Variants in GRIN2A observed in about 807,000 individuals in gnomAD.
The protein encoded by GRIN2A is glutamate receptor ionotropic, NMDA 2A.
GRIN2A carries 22 observed loss-of-function variants against 113.4 expected under a neutral mutation model. The ratio of observed to expected loss-of-function variants is 0.19; its 90% confidence interval spans 0.14 to 0.28. The LOEUF (loss-of-function observed/expected upper bound fraction) is 0.28, where lower values mean the gene tolerates loss of function less well. GRIN2A is among the 10% of genes least tolerant of loss of function. GRIN2A has a pLI of 1.00. For missense variants in GRIN2A, 1,502 were observed against 1,887.0 expected (o/e 0.80, Z 3.78); for synonymous variants, 827 against 738.4 (o/e 1.12, Z -1.94).
intron 2 of GRIN2A, among the ~76,000 whole-genome samples, chr16:10,130,254 G>A (rs1386116066): frequency 6.6e-6 from 1 of 152,206 alleles, no homozygotes; most frequent in Non-Finnish European, 1.5e-5. Flanking sequence ...TGAATTTCCA[G>A]GCCAGGTTCA....
At chr16:9,985,423 C>A (rs1329182744) in intron 2 of GRIN2A, among the ~76,000 whole-genome samples, 2 of 151,976 alleles carry the variant, frequency 1.3e-5, no homozygotes, top group East Asian at 1.9e-4. Flanking sequence ...CTCACAATAG[C>A]CAAGATTTGG....
At chr16:9,909,586 T>C (rs954565075) in intron 3 of GRIN2A, among the ~76,000 whole-genome samples, 1 of 152,220 alleles carries the variant, frequency 6.6e-6, no homozygotes, top group Non-Finnish European at 1.5e-5. Context: ...TCATATCAGA[T>C]AGCTTAAGTA....
intron 2 of GRIN2A, among the ~76,000 whole-genome samples, chr16:10,018,398 C>G (rs2046649562): frequency 6.6e-6 from 1 of 152,138 alleles, no homozygotes. Flanking sequence ...CTGGAGGCAG[C>G]AATACCACTG....
chr16:9,949,787 G>A (rs1221665573), intron 2 of GRIN2A, among the ~76,000 whole-genome samples: 2 of 152,140 alleles, frequency 1.3e-5, no homozygotes, highest in Non-Finnish European at 2.9e-5. Context: ...ACAGATGGAC[G>A]GATGGGTGGA....
intron 12 of GRIN2A, among the ~76,000 whole-genome samples, chr16:9,765,321 T>C (rs1900847540): frequency 6.6e-6 from 1 of 152,186 alleles, no homozygotes; most frequent in African/African-American, 2.4e-5. Flanking sequence ...TCATTAAAGT[T>C]TCCCAGCATC....
chr16:10,054,835 C>T (rs2047418074), intron 2 of GRIN2A, among the ~76,000 whole-genome samples: 1 of 151,514 alleles, frequency 6.6e-6, no homozygotes, highest in Non-Finnish European at 1.5e-5. Context: ...ATCATGAGGT[C>T]AGGAGATCAA....
chr16:10,161,953 C>T (rs1596566474), intron 2 of GRIN2A, among the ~76,000 whole-genome samples: 1 of 152,308 alleles, frequency 6.6e-6, no homozygotes, highest in African/African-American at 2.4e-5. Context: ...TAATCCAGAA[C>T]AGTCTCTCCA....
chr16:10,141,474 C>A (rs1000506425), intron 2 of GRIN2A, among the ~76,000 whole-genome samples: 1 of 151,994 alleles, frequency 6.6e-6, no homozygotes, highest in Non-Finnish European at 1.5e-5. Flanking sequence ...GGCAACAGAG[C>A]GAGACTCCAT....
intron 4 of GRIN2A, among the ~76,000 whole-genome samples, chr16:9,877,018 A>T (rs2267795): frequency 0.36 from 54,662 of 152,040 alleles, 11,458 homozygotes; most frequent in African/African-American, 0.59. Context: ...AATCTCCACA[A>T]CCTATATGAA....
chr16:10,063,027 T>C (rs376715159), intron 2 of GRIN2A, among the ~76,000 whole-genome samples: 1 of 152,224 alleles, frequency 6.6e-6, no homozygotes, highest in African/African-American at 2.4e-5. Context: ...ATATATACCA[T>C]GGAATATACA....
intron 2 of GRIN2A, among the ~76,000 whole-genome samples, chr16:9,987,035 G>C (rs1029253161): frequency 3.9e-5 from 6 of 152,142 alleles, no homozygotes; most frequent in African/African-American, 1.4e-4. Context: ...TTCTGAACCA[G>C]CATACTTGGC....
At chr16:10,113,440 C>G (rs1196747945) in intron 2 of GRIN2A, among the ~76,000 whole-genome samples, 4 of 152,214 alleles carry the variant, frequency 2.6e-5, no homozygotes, top group African/African-American at 9.6e-5. Context: ...GGAGGCTGCC[C>G]TGCTCATGGC....
intron 2 of GRIN2A, among the ~76,000 whole-genome samples, chr16:9,963,014 C>T (rs1322620769): frequency 2.7e-5 from 4 of 150,792 alleles, no homozygotes; most frequent in Non-Finnish European, 5.9e-5. Context: ...AGCAAACTAT[C>T]GCAAGGACAA....
intron 3 of GRIN2A, among the ~76,000 whole-genome samples, chr16:9,897,487 C>T (rs2043829596): frequency 6.6e-6 from 1 of 152,062 alleles, no homozygotes; most frequent in Admixed American, 6.6e-5. Flanking sequence ...GATAGCCAGC[C>T]ACCAACCACG....
At chr16:10,005,908 A>C (rs1193324011) in intron 2 of GRIN2A, among the ~76,000 whole-genome samples, 3 of 152,248 alleles carry the variant, frequency 2.0e-5, no homozygotes, top group East Asian at 3.8e-4. Context: ...ACACATTTAC[A>C]CAAACCTCTG....
At chr16:10,166,016 C>T (rs1393005374) in intron 2 of GRIN2A, among the ~76,000 whole-genome samples, 2 of 152,150 alleles carry the variant, frequency 1.3e-5, no homozygotes, top group South Asian at 2.1e-4. Flanking sequence ...TCCACAGCTC[C>T]ACAGCTTCTT....
At chr16:10,065,289 C>A (rs946877566) in intron 2 of GRIN2A, among the ~76,000 whole-genome samples, 2 of 152,184 alleles carry the variant, frequency 1.3e-5, no homozygotes, top group East Asian at 3.8e-4. Flanking sequence ...GAGTTACTCA[C>A]GTGAGAAAAA....
chr16:9,952,657 T>C (rs966283480), intron 2 of GRIN2A, among the ~76,000 whole-genome samples: 5 of 152,180 alleles, frequency 3.3e-5, no homozygotes, highest in Non-Finnish European at 4.4e-5. Context: ...GTCTGTTCAA[T>C]GTCCTATTTG....
At chr16:10,129,095 A>C (rs1268245786) in intron 2 of GRIN2A, among the ~76,000 whole-genome samples, 1 of 152,050 alleles carries the variant, frequency 6.6e-6, no homozygotes, top group Non-Finnish European at 1.5e-5. Context: ...TACTTTTTTA[A>C]AACAGGGTCT....
Sources: gnomAD v4.1 joint callset for allele counts (sites outside exome capture counted in the v4.1 genomes callset) on GRCh38, gnomAD v4.1.1 for gene constraint, MANE v1.5 for transcripts, NCBI Gene and HGNC (gene_info 2026-07-23, HGNC 2026-07-21) for gene names.